The following MRPL18 variants were observed in gnomAD, a reference collection of about 807,000 sequenced individuals.
The protein encoded by MRPL18 is large ribosomal subunit protein uL18m.
A neutral mutation model predicts 20.9 loss-of-function variants in MRPL18; 16 were observed. The ratio of observed to expected loss-of-function variants is 0.76; its 90% CI spans 0.52 to 1.16. The LOEUF is 1.16. MRPL18 is among the 50% of genes most tolerant of loss of function. The pLI is 0.00. For synonymous variants in MRPL18, 91 were observed against 87.1 expected (o/e 1.04, Z -0.25); for missense variants, 233 against 230.6 (o/e 1.01, Z -0.07).
chr6:159,795,158 C>T (rs1044017942), intron 2 of MRPL18, among the ~76,000 whole-genome samples: 4 of 152,196 alleles, frequency 2.6e-5, no homozygotes, highest in Non-Finnish European at 5.9e-5. Flanking sequence ...AACGTACAAT[C>T]GGGTTTTATA....
chr6:159,792,844 C>T (rs1383839298), intron 2 of MRPL18, among the ~76,000 whole-genome samples: 3 of 152,210 alleles, frequency 2.0e-5, no homozygotes, highest in Non-Finnish European at 4.4e-5. Flanking sequence ...GGCTCTATCA[C>T]CCAGGCTGGA....
At chr6:159,796,809 G>T (rs1781039817) in intron 2 of MRPL18, among the ~76,000 whole-genome samples, 1 of 151,914 alleles carries the variant, frequency 6.6e-6, no homozygotes, top group Non-Finnish European at 1.5e-5. Context: ...CATATGACAT[G>T]GTTTGATGTC....
chr6:159,795,522 A>T (rs1781009934), intron 2 of MRPL18, among the ~76,000 whole-genome samples: 1 of 152,162 alleles, frequency 6.6e-6, no homozygotes, highest in Non-Finnish European at 1.5e-5. Context: ...AATCCATTTA[A>T]CCCTGAGTTT....
rs553178269 is a variant in MRPL18 at position 159,793,106 on chromosome 6, C to T, written c.239+1980C>T. 2.6e-5 allele frequency among the ~76,000 whole-genome samples: 4 copies of T among 152,026 alleles called. No homozygotes were observed. The South Asian group carries it at 6.2e-4, about 24-fold the overall frequency. On this transcript the variant is annotated intron_variant, in intron 2 of 3. Coordinates refer to ENST00000367034, the MANE Select transcript of MRPL18 (RefSeq NM_014161.5). ...CCTCCCAAGGTGCTGGGATTACAGACGTGAGCCACTGCACTCGGCCCCAAC... is the reference window on the plus strand; with the variant it reads ...CCTCCCAAGGTGCTGGGATTACAGATGTGAGCCACTGCACTCGGCCCCAAC...
intron 2 of MRPL18, among the ~76,000 whole-genome samples, chr6:159,794,331 ATTAC>A (rs1780980379): frequency 6.6e-6 from 1 of 152,208 alleles, no homozygotes; most frequent in South Asian, 2.1e-4. Flanking sequence ...CCATGGCTCC[ATTAC>A]TTACTAGTTT....
chr6:159,791,169 C>G, intron 2 of MRPL18, 43 bp downstream of exon 2: 1 of 1,603,196 alleles, frequency 6.2e-7, no homozygotes, highest in Non-Finnish European at 8.5e-7. Context: ...GTGCACCCTA[C>G]AGACTATTTT....
At chr6:159,791,792 C>G (rs1780907462) in intron 2 of MRPL18, among the ~76,000 whole-genome samples, 1 of 152,134 alleles carries the variant, frequency 6.6e-6, no homozygotes. Context: ...GTAATCCCAG[C>G]TACTCCAGTG....
chr6:159,791,204 C>T, intron 2 of MRPL18, 78 bp downstream of exon 2: 2 of 1,528,596 alleles, frequency 1.3e-6, no homozygotes, highest in Non-Finnish European at 1.8e-6. Flanking sequence ...CAGGCACTCT[C>T]CCAGGTAGCT....
chr6:159,797,101 T>C (rs572279247), intron 2 of MRPL18, among the ~76,000 whole-genome samples, 186 bp from the exon 3 acceptor site: 6 of 152,206 alleles, frequency 3.9e-5, no homozygotes, highest in Non-Finnish European at 8.8e-5. Flanking sequence ...TTTGTTATTA[T>C]TGAGGATATT....
intron 2 of MRPL18, among the ~76,000 whole-genome samples, chr6:159,793,889 G>A (rs1370136300): frequency 3.3e-5 from 5 of 151,288 alleles, no homozygotes; most frequent in Non-Finnish European, 1.5e-5. Context: ...TCCAGCCTGG[G>A]CAACAGACTG....
At chr6:159,790,897 A>C in intron 1 of MRPL18, 43 bp from the exon 2 acceptor site, 1 of 1,609,986 alleles carries the variant, frequency 6.2e-7, no homozygotes, top group Admixed American at 1.7e-5. Context: ...CGCTGTCCAT[A>C]TCCGTCATTT....
intron 2 of MRPL18, among the ~76,000 whole-genome samples, chr6:159,792,305 C>T (rs566195520): frequency 6.6e-6 from 1 of 152,208 alleles, no homozygotes; most frequent in South Asian, 2.1e-4. Flanking sequence ...TTCTTAAGGA[C>T]TTCTTAAGTA....
At chr6:159,791,218 A>T (rs936728063) in intron 2 of MRPL18, 92 bp downstream of exon 2, 45 of 1,483,628 alleles carry the variant, frequency 3.0e-5, no homozygotes, top group Admixed American at 4.2e-5. Context: ...GGTAGCTGCC[A>T]TGCGGCGGGT....
In MRPL18 at chr6:159,797,389, G is replaced by T. The variant is rs1165251053; in HGVS notation, c.342G>T (p.Lys114Asn). The change falls in exon 3 of 4, where the codon AAG becomes AAT. Residue 114 changes from lysine to asparagine, a missense_variant. Coordinates refer to ENST00000367034, the MANE Select transcript of MRPL18 (RefSeq NM_014161.5). ...SASTREWAIK[K>N]HLYSTRNVVA... ...CCACTCGTGAGTGGGCTATTAAAAA[G>T]CACCTTTATAGTACCAGAAATGTGG... 6.2e-6 allele frequency: 10 copies of T among 1,614,040 alleles called. No homozygotes were observed. The highest frequency in any genetic ancestry group is 8.5e-6 in the Non-Finnish European group (10 of 1,180,032).
chr6:159,790,831 C>T (rs949277256), intron 1 of MRPL18, 109 bp from the exon 2 acceptor site: 7 of 1,448,284 alleles, frequency 4.8e-6, no homozygotes, highest in Admixed American at 2.1e-5. Context: ...TTTTTCGTCC[C>T]CTCGGGCCTA....
At chr6:159,795,135 A>T (rs939548035) in intron 2 of MRPL18, among the ~76,000 whole-genome samples, 4 of 152,152 alleles carry the variant, frequency 2.6e-5, no homozygotes, top group Non-Finnish European at 5.9e-5. Flanking sequence ...TTTTTCCCTA[A>T]CTCAGTAGAT....
intron 1 of MRPL18, 98 bp downstream of exon 1, chr6:159,790,737 G>A (rs931662286): frequency 7.1e-5 from 108 of 1,528,038 alleles, no homozygotes; most frequent in Non-Finnish European, 9.1e-5. Flanking sequence ...GTGCCGGATC[G>A]AAATAGAGCT....
At chr6:159,792,785 A>G (rs1310192892) in intron 2 of MRPL18, among the ~76,000 whole-genome samples, 1 of 152,118 alleles carries the variant, frequency 6.6e-6, no homozygotes, top group Non-Finnish European at 1.5e-5. Flanking sequence ...CTAGAGGCGC[A>G]TGCCATTACT....
Position 159,790,961 on chromosome 6 carries a change from C to T in MRPL18, c.74C>T (p.Ser25Leu). 1 of 1,614,150 alleles carries T rather than the reference C, an allele frequency of 6.2e-7. No individual in the cohort carries two copies. Among genetic ancestry groups the T allele is most frequent in the Non-Finnish European group, 8.5e-7 (1 of 1,180,028 alleles). ...RNPGCRFAAL[S>L]TSSEPAAKPE... ...CCAGGGTGCAGGTTCGCAGCCCTGT[C>T]AACCAGCTCCGAGCCGGCAGCGAAA... Residue 25 changes from serine (S) to leucine (L), a missense_variant, in exon 2 of 4, where the codon TCA (serine) becomes TTA (leucine). Physicochemically the swap from Ser to Leu is moderately radical, Grantham distance 145. Transcript: ENST00000367034.
Sources: gnomAD v4.1 joint callset for allele counts (sites outside exome capture counted in the v4.1 genomes callset) on GRCh38, gnomAD v4.1.1 for gene constraint, MANE v1.5 for transcripts, NCBI Gene and HGNC (gene_info 2026-07-23, HGNC 2026-07-21) for gene names.